PHF21A: variants seen among roughly 807,000 people sequenced by gnomAD.
PHF21A encodes BHC80a.
A neutral mutation model predicts 82.5 loss-of-function variants in PHF21A; 11 were observed. The ratio of observed to expected loss-of-function variants is 0.13; its 90% CI spans 0.08 to 0.22. PHF21A has a LOEUF of 0.22. Among genes scored for constraint, PHF21A ranks in the 10% least tolerant of loss-of-function variants. The pLI is 1.00. For synonymous variants in PHF21A, 297 were observed against 302.8 expected (o/e 0.98, Z 0.20); for missense variants, 579 against 837.8 (o/e 0.69, Z 3.81).
At chr11:45,954,246 C>T (rs1277120261) in intron 10 of PHF21A, among the ~76,000 whole-genome samples, 1 of 152,148 alleles carries the variant, frequency 6.6e-6, no homozygotes, top group Non-Finnish European at 1.5e-5. Context: ...ATCCACCCAC[C>T]TCAGCCTCCC....
chr11:45,937,058 A>C (rs928211669), intron 16 of PHF21A, among the ~76,000 whole-genome samples: 14 of 152,238 alleles, frequency 9.2e-5, no homozygotes, highest in African/African-American at 3.1e-4. Context: ...TATGTCAAAA[A>C]TCGTCAGAAG....
intron 3 of PHF21A, among the ~76,000 whole-genome samples, chr11:46,088,408 TAACAAC>T (rs3061959): frequency 5.3e-5 from 8 of 150,722 alleles, no homozygotes; most frequent in South Asian, 2.1e-4. Flanking sequence ...AACTTTCCAA[TAACAAC>T]AACAACAACA....
intron 4 of PHF21A, among the ~76,000 whole-genome samples, chr11:46,081,413 T>C (rs1044358028): frequency 1.3e-5 from 2 of 152,262 alleles, no homozygotes; most frequent in African/African-American, 4.8e-5. Flanking sequence ...GATTTTCCTT[T>C]TTGATTTGGT....
chr11:46,084,116 C>A, intron 4 of PHF21A, 50 bp downstream of exon 4: 1 of 1,272,034 alleles, frequency 7.9e-7, no homozygotes, highest in Non-Finnish European at 1.1e-6. Context: ...GTTTACTAAT[C>A]TTAGCCATTA....
At chr11:46,099,769 A>G (rs1373651784) in intron 1 of PHF21A, among the ~76,000 whole-genome samples, 1 of 152,172 alleles carries the variant, frequency 6.6e-6, no homozygotes. Context: ...GCAACAATCC[A>G]TTTTTTAAAA....
At chr11:46,014,193 T>C (rs1315836060) in intron 6 of PHF21A, among the ~76,000 whole-genome samples, 4 of 152,168 alleles carry the variant, frequency 2.6e-5, no homozygotes, top group Non-Finnish European at 4.4e-5. Flanking sequence ...GTCCCTAGTG[T>C]TTACTGTTCC....
intron 7 of PHF21A, among the ~76,000 whole-genome samples, chr11:45,975,377 T>TAAAATAAAATAAAAC (rs748967157): frequency 1.1e-3 from 144 of 130,550 alleles, no homozygotes; most frequent in African/African-American, 3.2e-3. Context: ...TAAAATAAAA[T>TAAAATAAAATAAAAC]AAAACAAAAC....
rs1375129235 is a variant in PHF21A at position 45,933,066 on chromosome 11, T to G, written c.*902A>C. 6.6e-6 allele frequency: 1 copy of G among 152,644 alleles called. No individual in the cohort carries two copies. Among genetic ancestry groups the G allele is most frequent in the Non-Finnish European group, 1.5e-5 (1 of 68,046 alleles). 9.5% of individuals were successfully genotyped at this position (152,644 alleles called of 1,614,324 possible). ...TGCTTCACTCAAGATCTTCTCTTCT[T>G]ATAAATATAGAAAAGGGATGGAGCT... On this transcript the variant is annotated 3_prime_UTR_variant, in exon 19 of 19. Coordinates refer to ENST00000676320, the MANE Select transcript of PHF21A (RefSeq NM_001352027.3).
intron 11 of PHF21A, among the ~76,000 whole-genome samples, chr11:45,950,763 A>C (rs1210056906): frequency 6.6e-6 from 1 of 152,200 alleles, no homozygotes; most frequent in Non-Finnish European, 1.5e-5. Context: ...TCTTAAAAAG[A>C]AGAGGATTTC....
chr11:45,978,080 C>A (rs542847694), intron 7 of PHF21A, among the ~76,000 whole-genome samples: 2 of 151,970 alleles, frequency 1.3e-5, no homozygotes, highest in South Asian at 2.1e-4. Context: ...GGCGGGCAGA[C>A]CACGAGGTCA....
intron 11 of PHF21A, among the ~76,000 whole-genome samples, chr11:45,950,552 A>C (rs184689881): frequency 5.3e-5 from 8 of 152,040 alleles, no homozygotes; most frequent in African/African-American, 1.4e-4. Context: ...CGCAAAAAAA[A>C]CTCATGATGT....
intron 6 of PHF21A, among the ~76,000 whole-genome samples, chr11:46,028,329 T>C (rs1400380326): frequency 6.6e-6 from 1 of 152,140 alleles, no homozygotes; most frequent in Non-Finnish European, 1.5e-5. Flanking sequence ...ATAATAATAC[T>C]ATACATCAAA....
chr11:45,998,660 G>A (rs1363473157), intron 6 of PHF21A, among the ~76,000 whole-genome samples: 1 of 151,648 alleles, frequency 6.6e-6, no homozygotes, highest in Non-Finnish European at 1.5e-5. Context: ...TTACAGGTAT[G>A]CGCCACCATG....
chr11:45,995,702 C>A (rs1442525006), intron 6 of PHF21A, among the ~76,000 whole-genome samples: 1 of 152,166 alleles, frequency 6.6e-6, no homozygotes, highest in African/African-American at 2.4e-5. Flanking sequence ...AAAAGGAAGA[C>A]TTTAATACTG....
At chr11:46,074,449 C>T (rs2096699010) in intron 6 of PHF21A, among the ~76,000 whole-genome samples, 1 of 132,834 alleles carries the variant, frequency 7.5e-6, no homozygotes, top group Non-Finnish European at 1.8e-5. Context: ...GGATAAGTGG[C>T]TCTTTTGGCG....
intron 6 of PHF21A, among the ~76,000 whole-genome samples, chr11:46,031,182 T>C (rs1397349620): frequency 1.3e-5 from 2 of 152,174 alleles, no homozygotes; most frequent in Admixed American, 1.3e-4. Flanking sequence ...TTCCCAATAA[T>C]GCCTAATCTT....
chr11:46,113,699 G>A (rs528907518), intron 1 of PHF21A, among the ~76,000 whole-genome samples: 4 of 151,970 alleles, frequency 2.6e-5, no homozygotes, highest in South Asian at 2.1e-4. Context: ...GGTGGCGCAC[G>A]CCTGTAGTCC....
In PHF21A at chr11:46,109,975, C is replaced by T. The variant is rs1443832313; in HGVS notation, c.-237+10960G>A. Among the ~76,000 whole-genome samples, 8 of 143,360 alleles carry T rather than the reference C, an allele frequency of 5.6e-5. No individual in the cohort carries two copies. The East Asian group carries it at 1.0e-3, about 18-fold the overall frequency. 94.0% of individuals were successfully genotyped at this position (143,360 alleles called of 152,430 possible). A position where few individuals can be genotyped will look rare whatever the true frequency, so the allele number is the denominator to read the frequency against. On this transcript the variant is annotated intron_variant, in intron 1 of 18. Transcript: ENST00000676320. ...CAGCCTGGGCAACAGGGCAAGACTC[C>T]GTGTCAAAAAAAAAAAAAAAAAGTA...
intron 6 of PHF21A, among the ~76,000 whole-genome samples, chr11:46,024,523 G>A (rs1354526727): frequency 6.6e-6 from 1 of 152,010 alleles, no homozygotes; most frequent in Non-Finnish European, 1.5e-5. Context: ...TTTTGGGCCT[G>A]GCATGGTGGC....
Sources: allele counts gnomAD v4.1 joint callset (sites outside exome capture counted in the v4.1 genomes callset), GRCh38; gene constraint gnomAD v4.1.1; transcripts MANE v1.5; gene names NCBI Gene and HGNC (gene_info 2026-07-23, HGNC 2026-07-21).